CAPN14: variants seen among roughly 807,000 people sequenced by gnomAD.
The protein encoded by CAPN14 is calpain-14.
In CAPN14, 94 loss-of-function variants were observed where a neutral mutation model predicts 101.3. The observed-to-expected ratio is 0.93, with a 90% confidence interval of 0.79 to 1.10. CAPN14 has a LOEUF of 1.10. Among genes scored for constraint, CAPN14 ranks in the 50% least tolerant of loss-of-function variants. CAPN14 has a pLI of 0.00. For missense variants in CAPN14, 837 were observed against 828.4 expected, an observed-to-expected ratio of 1.01 and a Z score of -0.13; for synonymous variants, 338 against 317.9, an observed-to-expected ratio of 1.06 and a Z score of -0.67.
At chr2:31,214,079 G>A (rs4951973) in intron 1 of CAPN14, among the ~76,000 whole-genome samples, 86,809 of 152,118 alleles carry the variant, frequency 0.57, 25,814 homozygotes, top group East Asian at 0.94. Flanking sequence ...TCTTGAAGGC[G>A]AGAATGGTAT....
intron 10 of CAPN14, 54 bp downstream of exon 10, chr2:31,193,077 A>G: frequency 6.7e-7 from 1 of 1,490,036 alleles, no homozygotes; most frequent in Admixed American, 2.1e-5. Context: ...AGTCATTCTG[A>G]CACCCCCGCC....
At chr2:31,209,981 G>C (rs948951846) in intron 1 of CAPN14, among the ~76,000 whole-genome samples, 2 of 152,192 alleles carry the variant, frequency 1.3e-5, no homozygotes, top group African/African-American at 4.8e-5. Flanking sequence ...TTGTCCAGCT[G>C]GAAGTTTCCG....
intron 8 of CAPN14, among the ~76,000 whole-genome samples, chr2:31,196,891 T>C (rs1359946975): frequency 6.6e-6 from 1 of 152,230 alleles, no homozygotes; most frequent in Non-Finnish European, 1.5e-5. Flanking sequence ...AGTCATGCTG[T>C]ATGACCTTAG....
intron 7 of CAPN14, among the ~76,000 whole-genome samples, chr2:31,197,817 A>G (rs1681545872): frequency 6.6e-6 from 1 of 152,200 alleles, no homozygotes; most frequent in African/African-American, 2.4e-5. Context: ...ATGTAGACCA[A>G]GCCAAGGAAC....
intron 6 of CAPN14, among the ~76,000 whole-genome samples, chr2:31,199,834 C>T (rs1236559366): frequency 2.6e-5 from 4 of 152,158 alleles, no homozygotes; most frequent in African/African-American, 7.2e-5. Context: ...CAGGGCTGAA[C>T]TGAGGGCTTC....
chr2:31,189,682 T>C, intron 12 of CAPN14: 1 of 676,528 alleles, frequency 1.5e-6, no homozygotes. Context: ...CTGGAACCTA[T>C]CAGGGGCTAC....
At chr2:31,194,981 C>G (rs1681391721) in intron 8 of CAPN14, among the ~76,000 whole-genome samples, 1 of 152,138 alleles carries the variant, frequency 6.6e-6, no homozygotes, top group African/African-American at 2.4e-5. Context: ...AGGCTGGAAA[C>G]AAACGAGGTG....
chr2:31,213,860 T>C (rs938579674), intron 1 of CAPN14, among the ~76,000 whole-genome samples: 1 of 152,214 alleles, frequency 6.6e-6, no homozygotes, highest in Non-Finnish European at 1.5e-5. Flanking sequence ...AGCATCTCTA[T>C]GTACATATCA....
chr2:31,216,075 T>C (rs1485864267), intron 1 of CAPN14, among the ~76,000 whole-genome samples: 1 of 152,140 alleles, frequency 6.6e-6, no homozygotes, highest in Non-Finnish European at 1.5e-5. Context: ...GTGATAACCA[T>C]TTATACAATG....
At chr2:31,201,230 CGTGT>C (rs1198615808) in intron 5 of CAPN14, among the ~76,000 whole-genome samples, 1 of 149,998 alleles carries the variant, frequency 6.7e-6, no homozygotes, top group African/African-American at 2.5e-5. Flanking sequence ...TCTGTGTTTG[CGTGT>C]GTGTGTGCAT....
chr2:31,191,432 A>G, intron 11 of CAPN14, 25 bp from the exon 12 acceptor site: 1 of 1,368,122 alleles, frequency 7.3e-7, no homozygotes, highest in African/African-American at 1.6e-5. Flanking sequence ...CAAAAACAGA[A>G]AAAAAAAAAA....
intron 10 of CAPN14, 74 bp from the exon 11 acceptor site, chr2:31,192,172 T>C: frequency 6.9e-7 from 1 of 1,441,768 alleles, no homozygotes. Flanking sequence ...CACTAAGAGG[T>C]GAACAGTCTG....
chr2:31,230,806 C>T lies in CAPN14; in HGVS notation c.-177+2985G>A, dbSNP rs1007126152. Among the ~76,000 whole-genome samples the T allele has an allele frequency of 4.6e-5, 7 of 152,074 alleles. No homozygotes were observed. Among genetic ancestry groups the T allele is most frequent in the Non-Finnish European group, 5.9e-5 (4 of 68,012 alleles). ...ACTCACTTTTGTATTTTTAGTTGAA[C>T]GAAAGTTTTAAATTTTGCTAGTGCT... On this transcript the variant is annotated intron_variant and NMD_transcript_variant, in intron 1 of 21. Transcript: ENST00000398824. The surrounding 1 kb of genome is among the most constrained non-coding windows in gnomAD (Gnocchi z 4.3).
chr2:31,194,339 C>A (rs796965319), intron 9 of CAPN14, 70 bp downstream of exon 9: 1 of 1,174,826 alleles, frequency 8.5e-7, no homozygotes, highest in South Asian at 1.3e-5. Context: ...ATAAGGCATC[C>A]AATAAATGTC....
intron 5 of CAPN14, 109 bp from the exon 6 acceptor site, chr2:31,200,734 A>C: frequency 9.3e-7 from 1 of 1,074,500 alleles, no homozygotes. Flanking sequence ...TCTCATACCA[A>C]AAGCAGAGCT....
At chr2:31,188,668 C>G (rs561685152) in intron 13 of CAPN14, among the ~76,000 whole-genome samples, 1 of 152,278 alleles carries the variant, frequency 6.6e-6, no homozygotes, top group South Asian at 2.1e-4. Flanking sequence ...ACATAAAAAA[C>G]AAACAAACAA....
chr2:31,219,442 G>C (rs139920091), upstream of CAPN14, among the ~76,000 whole-genome samples: 736 of 152,350 alleles, frequency 4.8e-3, 4 homozygotes, highest in Non-Finnish European at 8.4e-3. Flanking sequence ...TTCTGTCTCT[G>C]CAAGGCACAG....
intron 1 of CAPN14, among the ~76,000 whole-genome samples, chr2:31,227,368 T>G (rs1683054850): frequency 6.6e-6 from 1 of 151,376 alleles, no homozygotes; most frequent in Admixed American, 6.6e-5. Flanking sequence ...GTGTTATTCC[T>G]GGACAGCCCA....
Position 31,230,346 on chromosome 2 carries a change from G to A in CAPN14, c.-177+3445C>T, listed in dbSNP as rs13389910. ...AAGACTTATCTCCCTATGCACATGT[G>A]CAAGAGTTTCTCTAGATCACGCCTT... On this transcript the variant is annotated intron_variant and NMD_transcript_variant, in intron 1 of 21. Coordinates refer to the CAPN14 transcript ENST00000398824. The surrounding 1 kb of genome is among the most constrained non-coding windows in gnomAD (Gnocchi z 4.3). Among the ~76,000 whole-genome samples, 971 of 152,344 alleles carry A rather than the reference G, an allele frequency of 6.4e-3. 2 individuals carry two copies. Among genetic ancestry groups the A allele is most frequent in the East Asian group, 0.021 (107 of 5,190 alleles).
Sources: gnomAD v4.1 joint callset for allele counts (sites outside exome capture counted in the v4.1 genomes callset) on GRCh38, gnomAD v4.1.1 for gene constraint, Gnocchi (gnomAD v3.1) non-coding constraint, MANE v1.5 for transcripts, NCBI Gene and HGNC (gene_info 2026-07-23, HGNC 2026-07-21) for gene names.